The following KPNA4 variants were observed in gnomAD, a reference collection of about 807,000 sequenced individuals.
KPNA4 encodes karyopherin subunit alpha 4.
KPNA4 carries 13 observed loss-of-function variants against 71.3 expected under a neutral mutation model. That is an observed-to-expected ratio of 0.18 (90% CI 0.12 to 0.29). The LOEUF is 0.29. Ranked by LOEUF, KPNA4 falls within the 10% of genes least tolerant of loss-of-function variation. The probability of loss-of-function intolerance (pLI) is 1.00; values close to 1 mark genes in which losing one functional copy is unlikely to be tolerated. For synonymous variants in KPNA4, 189 were observed against 195.2 expected, an observed-to-expected ratio of 0.97 and a Z score of 0.26; for missense variants, 334 against 603.2, an observed-to-expected ratio of 0.55 and a Z score of 4.67.
At chr3:160,506,938 A>G (rs1395869161) in intron 15 of KPNA4, among the ~76,000 whole-genome samples, 1 of 152,164 alleles carries the variant, frequency 6.6e-6, no homozygotes, top group Non-Finnish European at 1.5e-5. Context: ...AGTTGAAGTT[A>G]TGGGTTCTCC....
rs566570547 is a variant in KPNA4 at position 160,528,835 on chromosome 3, T to A, written c.470-796A>T. On this transcript the variant is annotated intron_variant, in intron 7 of 16. Coordinates refer to ENST00000334256, the MANE Select transcript of KPNA4 (RefSeq NM_002268.5). ...TGAACAAAATACTGCACTGAACAAATGATTCTTCTTCTTTCCTTCTGATAT... is the reference window on the plus strand; with the variant it reads ...TGAACAAAATACTGCACTGAACAAAAGATTCTTCTTCTTTCCTTCTGATAT... Among the ~76,000 whole-genome samples, 3 of 152,320 alleles carry A rather than the reference T, an allele frequency of 2.0e-5. No individual in the cohort carries two copies. In the South Asian group the frequency reaches 6.2e-4, roughly 32 times the overall value.
Position 160,501,662 on chromosome 3 carries a change from G to T in KPNA4, c.*442C>A, listed in dbSNP as rs1407850982. 1 of 152,602 alleles carries T rather than the reference G, an allele frequency of 6.6e-6. No homozygotes were observed. Among genetic ancestry groups the T allele is most frequent in the Admixed American group, 6.5e-5 (1 of 15,276 alleles). 9.5% of individuals were successfully genotyped at this position (152,602 alleles called of 1,614,324 possible). A position where few individuals can be genotyped will look rare whatever the true frequency, so the allele number is the denominator to read the frequency against. On this transcript the variant is annotated 3_prime_UTR_variant, in exon 17 of 17. Transcript: ENST00000334256. ...CCATTCACACACTGCTTCATAGCAA[G>T]GCCTGGGCTCATTTTCCTTTGACTT... is the stretch of plus-strand genomic sequence containing the variant.
intron 1 of KPNA4, among the ~76,000 whole-genome samples, chr3:160,542,141 A>G (rs1721812706): frequency 6.6e-6 from 1 of 152,184 alleles, no homozygotes; most frequent in Non-Finnish European, 1.5e-5. Flanking sequence ...GAATATCAGA[A>G]GCCAGAAATG....
At chr3:160,564,617 G>GT (rs1355688431) in intron 1 of KPNA4, 1 of 152,284 alleles carries the variant, frequency 6.6e-6, no homozygotes, top group Non-Finnish European at 1.5e-5. Context: ...CGCCGGGGGT[G>GT]TTTTTTTCAA....
intron 1 of KPNA4, among the ~76,000 whole-genome samples, chr3:160,561,044 G>A (rs962282588): frequency 8.6e-5 from 13 of 151,376 alleles, no homozygotes; most frequent in African/African-American, 2.9e-4. Flanking sequence ...TTAAACTCTT[G>A]CCAACCAAGC....
At chr3:160,535,752 G>A in intron 3 of KPNA4, 56 bp downstream of exon 3, 2 of 1,565,038 alleles carry the variant, frequency 1.3e-6, no homozygotes, top group South Asian at 2.4e-5. Flanking sequence ...TCTTATTAAT[G>A]TGAAATCTTT....
intron 1 of KPNA4, among the ~76,000 whole-genome samples, chr3:160,553,615 T>C (rs1416990198): frequency 6.6e-6 from 1 of 152,190 alleles, no homozygotes; most frequent in Admixed American, 6.5e-5. Context: ...AATAAGGATA[T>C]GTTCCTTGCA....
chr3:160,544,109 C>T (rs1400989560), intron 1 of KPNA4, among the ~76,000 whole-genome samples: 2 of 152,044 alleles, frequency 1.3e-5, no homozygotes, highest in African/African-American at 2.4e-5. Flanking sequence ...TCACCTGCCT[C>T]GGCCTCCCAA....
At chr3:160,561,565 T>A (rs1722247013) in intron 1 of KPNA4, among the ~76,000 whole-genome samples, 1 of 152,076 alleles carries the variant, frequency 6.6e-6, no homozygotes, top group South Asian at 2.1e-4. Flanking sequence ...CATGACCACA[T>A]TTTAGAGGAG....
chr3:160,512,962 A>C (rs747118225), intron 13 of KPNA4, among the ~76,000 whole-genome samples: 5 of 152,232 alleles, frequency 3.3e-5, no homozygotes, highest in Admixed American at 2.6e-4. Flanking sequence ...AAGGATCATC[A>C]ATGGCTACCT....
At chr3:160,511,714 T>TTATATATATATATA (rs10666878) in intron 13 of KPNA4, among the ~76,000 whole-genome samples, 16 of 146,476 alleles carry the variant, frequency 1.1e-4, no homozygotes, top group African/African-American at 4.0e-4. Flanking sequence ...TTTGTTATTT[T>TTATATATATATATA]TATATATATA....
chr3:160,550,826 T>C (rs1417635133), intron 1 of KPNA4, among the ~76,000 whole-genome samples: 2 of 152,212 alleles, frequency 1.3e-5, no homozygotes, highest in Non-Finnish European at 2.9e-5. Flanking sequence ...TTTTCATATG[T>C]TGAACCATCC....
At chr3:160,508,887 C>T (rs1721039996) in intron 14 of KPNA4, among the ~76,000 whole-genome samples, 2 of 152,120 alleles carry the variant, frequency 1.3e-5, no homozygotes, top group Admixed American at 6.5e-5. Context: ...ATGTGCCTGG[C>T]TACCTCTCAA....
chr3:160,504,266 T>C (rs933819781), intron 16 of KPNA4, among the ~76,000 whole-genome samples: 1 of 152,146 alleles, frequency 6.6e-6, no homozygotes, highest in Non-Finnish European at 1.5e-5. Context: ...ATTCTATTCT[T>C]TTTGATAATA....
At position 160,499,508 on chromosome 3, in the gene KPNA4, C is replaced by T. The variant is rs1720835812; in HGVS notation, c.*2596G>A. ...TAAAAAAAAAAAAAAAGTGTTTAACCAGGTAACCGTGATGAACTGTCAACT... is the reference window on the plus strand; with the variant it reads ...TAAAAAAAAAAAAAAAGTGTTTAACTAGGTAACCGTGATGAACTGTCAACT... On this transcript the variant is annotated 3_prime_UTR_variant, in exon 17 of 17. Coordinates refer to ENST00000334256, the MANE Select transcript of KPNA4 (RefSeq NM_002268.5). 6.7e-6 allele frequency: 1 copy of T among 150,234 alleles called. No homozygotes were observed. The highest frequency in any genetic ancestry group is 1.5e-5 in the Non-Finnish European group (1 of 67,694). 9.3% of individuals were successfully genotyped at this position (150,234 alleles called of 1,614,324 possible). A position where few individuals can be genotyped will look rare whatever the true frequency, so the allele number is the denominator to read the frequency against.
At chr3:160,526,218 T>C (rs937235332) in intron 8 of KPNA4, 111 bp from the exon 9 acceptor site, 7 of 758,098 alleles carry the variant, frequency 9.2e-6, no homozygotes, top group Non-Finnish European at 1.4e-5. Flanking sequence ...CCAGATACAC[T>C]GTTCAGTTTT....
intron 1 of KPNA4, among the ~76,000 whole-genome samples, chr3:160,557,678 AT>A (rs938883341): frequency 4.6e-5 from 7 of 152,288 alleles, no homozygotes; most frequent in Non-Finnish European, 1.0e-4. Flanking sequence ...GCATTTAAAA[AT>A]TTCTATCTAT....
intron 8 of KPNA4, among the ~76,000 whole-genome samples, chr3:160,527,323 G>T (rs796744404): frequency 2.6e-5 from 4 of 152,148 alleles, no homozygotes; most frequent in African/African-American, 9.6e-5. Context: ...TGAAATATCA[G>T]AATTGTCTTT....
At chr3:160,559,910 A>G (rs551057172) in intron 1 of KPNA4, among the ~76,000 whole-genome samples, 1 of 152,124 alleles carries the variant, frequency 6.6e-6, no homozygotes, top group Non-Finnish European at 1.5e-5. Flanking sequence ...TATTTTATAG[A>G]TATCAATATA....
Sources: gnomAD v4.1 joint callset for allele counts (sites outside exome capture counted in the v4.1 genomes callset) on GRCh38, gnomAD v4.1.1 for gene constraint, MANE v1.5 for transcripts, NCBI Gene and HGNC (gene_info 2026-07-23, HGNC 2026-07-21) for gene names.